RBFOX1: variants seen among roughly 807,000 people sequenced by gnomAD.
RBFOX1 encodes RNA binding fox-1 homolog 1.
In RBFOX1, 8 loss-of-function variants were observed where a neutral mutation model predicts 57.7. The observed-to-expected ratio is 0.14, with a 90% CI of 0.08 to 0.25. RBFOX1 has a LOEUF of 0.25. Among genes scored for constraint, RBFOX1 ranks in the 10% least tolerant of loss-of-function variants. The pLI is 1.00. For missense variants in RBFOX1, 611 were observed against 548.5 expected, an observed-to-expected ratio of 1.11 and a Z score of -1.14; for synonymous variants, 326 against 222.4, an observed-to-expected ratio of 1.47 and a Z score of -4.15.
intron 4 of RBFOX1, among the ~76,000 whole-genome samples, chr16:7,082,571 A>T (rs543202772): frequency 2.6e-5 from 4 of 152,228 alleles, no homozygotes; most frequent in South Asian, 4.1e-4. Context: ...CAAAAAAAAA[A>T]AAATAAAAAT....
At chr16:7,590,772 T>C (rs949537026) in intron 7 of RBFOX1, among the ~76,000 whole-genome samples, 1 of 146,430 alleles carries the variant, frequency 6.8e-6, no homozygotes, top group Admixed American at 7.1e-5. Context: ...GGCAGGAGAA[T>C]CACTTGAACC....
intron 3 of RBFOX1, among the ~76,000 whole-genome samples, chr16:5,724,835 C>T (rs1327593226): frequency 2.0e-5 from 3 of 152,176 alleles, no homozygotes; most frequent in South Asian, 2.1e-4. Flanking sequence ...ATGGTATCCC[C>T]GCCTTCCTGG....
chr16:6,844,121 A>G (rs1011045549), intron 3 of RBFOX1, among the ~76,000 whole-genome samples: 2 of 88,042 alleles, frequency 2.3e-5, no homozygotes, highest in African/African-American at 1.2e-4. Flanking sequence ...TCTTCCCTGC[A>G]TGGCTTTTCT....
At chr16:5,452,968 T>C (rs1305370642) in intron 1 of RBFOX1, among the ~76,000 whole-genome samples, 2 of 152,190 alleles carry the variant, frequency 1.3e-5, no homozygotes, top group Non-Finnish European at 2.9e-5. Flanking sequence ...TTTCAGCATG[T>C]CTTCAAGGCC....
At chr16:5,759,642 A>C (rs11864055) in intron 3 of RBFOX1, among the ~76,000 whole-genome samples, 1,904 of 152,148 alleles carry the variant, frequency 0.013, 36 homozygotes, top group African/African-American at 0.042. Context: ...GGTAGAAGCA[A>C]AGCTCTCATG....
chr16:7,674,208 T>G (rs1349744577), intron 13 of RBFOX1, among the ~76,000 whole-genome samples: 1 of 152,154 alleles, frequency 6.6e-6, no homozygotes, highest in Non-Finnish European at 1.5e-5. Context: ...AGAGGAGAGA[T>G]AAAACCACCC....
chr16:7,196,256 G>C (rs972308428), intron 4 of RBFOX1, among the ~76,000 whole-genome samples: 1 of 152,112 alleles, frequency 6.6e-6, no homozygotes, highest in African/African-American at 2.4e-5. Flanking sequence ...TGTGTGCATG[G>C]TGAATGTAAT....
chr16:7,137,711 C>G (rs1373187012), intron 4 of RBFOX1, among the ~76,000 whole-genome samples: 3 of 152,146 alleles, frequency 2.0e-5, no homozygotes, highest in Admixed American at 6.5e-5. Flanking sequence ...ACAACAGCAA[C>G]TTAACTCAAA....
Position 6,107,708 on chromosome 16 carries a change from G to A in RBFOX1, c.-127+87716G>A, listed in dbSNP as rs376868195. ...AGGTGGGTGGGTGGGTGAGTGGATG[G>A]ATGGATGGATTTGTGGGTGGGTGGG... is the stretch of plus-strand genomic sequence containing the variant. On this transcript the variant is annotated intron_variant, in intron 1 of 15. Coordinates refer to ENST00000550418, the MANE Select transcript of RBFOX1 (RefSeq NM_018723.4). Among the ~76,000 whole-genome samples the A allele has an allele frequency of 3.1e-3, 346 of 110,008 alleles. 1 individual carries two copies. The South Asian group carries it at 0.035, about 11-fold the overall frequency. 72.2% of individuals were successfully genotyped at this position (110,008 alleles called of 152,430 possible).
intron 3 of RBFOX1, among the ~76,000 whole-genome samples, chr16:7,003,656 A>G (rs1260176920): frequency 6.6e-6 from 1 of 152,204 alleles, no homozygotes; most frequent in Non-Finnish European, 1.5e-5. Context: ...AGGTTGATAC[A>G]TGTAGCATCA....
chr16:7,499,354 C>T (rs991970131), intron 4 of RBFOX1, among the ~76,000 whole-genome samples: 4 of 152,112 alleles, frequency 2.6e-5, no homozygotes, highest in African/African-American at 9.7e-5. Flanking sequence ...TTCAGAAGCC[C>T]ACCCTGCTCG....
intron 3 of RBFOX1, among the ~76,000 whole-genome samples, chr16:6,763,388 A>C (rs535805698): frequency 1.3e-5 from 2 of 152,322 alleles, no homozygotes; most frequent in South Asian, 4.1e-4. Context: ...CCATTCCATC[A>C]GTATTGTTTG....
intron 2 of RBFOX1, among the ~76,000 whole-genome samples, chr16:6,484,071 C>A (rs979183212): frequency 6.6e-6 from 1 of 152,200 alleles, no homozygotes; most frequent in African/African-American, 2.4e-5. Context: ...TCTTTACCCA[C>A]TGGAAGTTAG....
intron 1 of RBFOX1, among the ~76,000 whole-genome samples, chr16:6,104,667 T>A (rs887653020): frequency 1.3e-5 from 2 of 152,122 alleles, no homozygotes; most frequent in Admixed American, 1.3e-4. Context: ...AAAATGTCCA[T>A]CAACTGGTGA....
chr16:6,665,941 G>C (rs1049130857), intron 3 of RBFOX1, among the ~76,000 whole-genome samples: 3 of 152,124 alleles, frequency 2.0e-5, no homozygotes, highest in Non-Finnish European at 4.4e-5. Flanking sequence ...CACATGTTGT[G>C]AGAGGGACCT....
intron 4 of RBFOX1, among the ~76,000 whole-genome samples, chr16:7,218,308 T>C (rs1374120188): frequency 1.3e-5 from 2 of 152,198 alleles, no homozygotes; most frequent in African/African-American, 2.4e-5. Context: ...AAAATTGCTA[T>C]AATACTCTAA....
intron 4 of RBFOX1, among the ~76,000 whole-genome samples, chr16:5,867,961 C>G (rs892630369): frequency 3.3e-5 from 5 of 152,288 alleles, no homozygotes; most frequent in African/African-American, 1.2e-4. Flanking sequence ...ATCTGCTCGC[C>G]TCAGCCTCCT....
At chr16:5,693,305 A>C (rs1441835464) in intron 3 of RBFOX1, among the ~76,000 whole-genome samples, 1 of 152,158 alleles carries the variant, frequency 6.6e-6, no homozygotes, top group Non-Finnish European at 1.5e-5. Flanking sequence ...CCTTTGCATT[A>C]AAATAAAATG....
rs574389426 is a variant in RBFOX1, at chr16:5,888,536, C to T, written c.351+21201C>T. On this transcript the variant is annotated intron_variant, in intron 4 of 19. Coordinates refer to the RBFOX1 transcript ENST00000641259. ...TGAGGCCGGGCGCAGTGGCTCACGC[C>T]TGTAATCCCAGCACTTTGGGAGACT... is the stretch of plus-strand genomic sequence containing the variant. Among the ~76,000 whole-genome samples the T allele has an allele frequency of 2.0e-4, 31 of 152,220 alleles. 1 individual carries two copies. The South Asian group carries it at 6.2e-3, about 31-fold the overall frequency.
Sources: gnomAD v4.1 joint callset for allele counts (sites outside exome capture counted in the v4.1 genomes callset) on GRCh38, gnomAD v4.1.1 for gene constraint, MANE v1.5 for transcripts, NCBI Gene and HGNC (gene_info 2026-07-23, HGNC 2026-07-21) for gene names.